SLC22A23: variants seen among roughly 807,000 people sequenced by gnomAD.
SLC22A23 encodes solute carrier family 22 member 23, also known as ion transporter protein.
Under a neutral mutation model 61.0 loss-of-function variants are expected in SLC22A23, and 26 were observed. The ratio of observed to expected loss-of-function variants is 0.43; its 90% CI spans 0.31 to 0.59. The LOEUF (loss-of-function observed/expected upper bound fraction) is 0.59, where lower values mean the gene tolerates loss of function less well. Among genes scored for constraint, SLC22A23 ranks in the 20% least tolerant of loss-of-function variants. The pLI is 0.11. For synonymous variants in SLC22A23, 430 were observed against 413.9 expected (o/e 1.04, Z -0.47); for missense variants, 796 against 934.7 (o/e 0.85, Z 1.94).
intron 3 of SLC22A23, among the ~76,000 whole-genome samples, chr6:3,388,928 G>C (rs746901723): frequency 2.0e-5 from 3 of 152,088 alleles, no homozygotes; most frequent in Non-Finnish European, 2.9e-5. Context: ...GGAATGGGGA[G>C]TTCGTATTTT....
chr6:3,449,760 G>A (rs1772079960), intron 1 of SLC22A23, among the ~76,000 whole-genome samples: 3 of 152,204 alleles, frequency 2.0e-5, no homozygotes, highest in Admixed American at 2.0e-4. Context: ...CACTCTGACA[G>A]TATTAACATA....
At chr6:3,401,939 CCT>C (rs1349421651) in intron 3 of SLC22A23, among the ~76,000 whole-genome samples, 3 of 152,210 alleles carry the variant, frequency 2.0e-5, no homozygotes, top group Admixed American at 6.5e-5. Context: ...ATCATCTTCC[CCT>C]GTCAGACTCA....
At chr6:3,290,518 A>C (rs1477896096) in intron 5 of SLC22A23, 2 of 153,698 alleles carry the variant, frequency 1.3e-5, no homozygotes, top group Non-Finnish European at 2.9e-5. Flanking sequence ...TTTAGTTAAC[A>C]GAAGTCCTTG....
intron 8 of SLC22A23, among the ~76,000 whole-genome samples, chr6:3,284,681 A>C (rs1256287761): frequency 1.3e-5 from 2 of 152,204 alleles, no homozygotes; most frequent in Non-Finnish European, 2.9e-5. Context: ...GCAAGCTTAC[A>C]TGAGTCAAAG....
chr6:3,337,980 C>T (rs1763951496), intron 3 of SLC22A23, among the ~76,000 whole-genome samples: 3 of 152,208 alleles, frequency 2.0e-5, no homozygotes. Flanking sequence ...GTTGTCACCC[C>T]CAGACTCCCT....
At chr6:3,397,963 C>T (rs1389566528) in intron 3 of SLC22A23, among the ~76,000 whole-genome samples, 1 of 152,248 alleles carries the variant, frequency 6.6e-6, no homozygotes, top group Non-Finnish European at 1.5e-5. Context: ...GCCCTGGGGC[C>T]TCCCAGCAAA....
rs781394864 is a variant in SLC22A23, at chr6:3,273,262, C to T, written c.1854G>A (p.Leu618=). The T allele has an allele frequency of 3.1e-6, 5 of 1,613,264 alleles. No homozygotes were observed. The highest frequency in any genetic ancestry group is 4.2e-6 in the Non-Finnish European group (5 of 1,179,362). Residue 618 remains leucine (L), a synonymous_variant, in exon 10 of 10, where the codon CTG becomes CTA. Transcript: ENST00000406686. ...GCAGGTTCTGGTCCCTGCTCTCGGG[C>T]AGCAGGAGGATGCAGATGATGCAGA... The part of the protein sequence containing the change: ...TLICIICILL[L]PESRDQNLPE...
At position 3,317,221 on chromosome 6, in the gene SLC22A23, C is replaced by T. The variant is rs930000381; in HGVS notation, c.1082+6613G>A. Among the ~76,000 whole-genome samples the T allele has an allele frequency of 2.0e-5, 3 of 152,186 alleles. No homozygotes were observed. The highest frequency in any genetic ancestry group is 4.8e-5 in the African/African-American group (2 of 41,444). ...GCTGCGGTTTTCTAGGATGTTCTAA[C>T]GTAACGTAGACCTGGACCTCCAAAC... On this transcript the variant is annotated intron_variant, in intron 4 of 9. Coordinates refer to ENST00000406686, the MANE Select transcript of SLC22A23 (RefSeq NM_015482.2). This position sits in a 1 kb window ranked among gnomAD's most constrained non-coding sequence, Gnocchi z 4.4.
At chr6:3,362,098 T>A (rs537626523) in intron 3 of SLC22A23, among the ~76,000 whole-genome samples, 1 of 151,710 alleles carries the variant, frequency 6.6e-6, no homozygotes, top group Middle Eastern at 3.4e-3. Context: ...ATTTTTTTTT[T>A]AAGCAAACTT....
intron 3 of SLC22A23, among the ~76,000 whole-genome samples, chr6:3,354,381 T>G (rs1764948992): frequency 6.6e-6 from 1 of 152,192 alleles, no homozygotes; most frequent in Non-Finnish European, 1.5e-5. Flanking sequence ...TTACATGAGG[T>G]GGGTTGGGTA....
chr6:3,382,815 T>C (rs897134931), intron 3 of SLC22A23, among the ~76,000 whole-genome samples: 3 of 152,194 alleles, frequency 2.0e-5, no homozygotes, highest in Non-Finnish European at 2.9e-5. Context: ...TAGTCTAGTA[T>C]TATAGCAAGG....
At chr6:3,323,090 C>T (rs917652490) in intron 4 of SLC22A23, among the ~76,000 whole-genome samples, 3 of 152,260 alleles carry the variant, frequency 2.0e-5, no homozygotes, top group Non-Finnish European at 4.4e-5. Context: ...GGTCAAACCC[C>T]CTTTACCAGT....
chr6:3,292,815 G>A (rs557407289), intron 5 of SLC22A23, among the ~76,000 whole-genome samples: 2 of 152,360 alleles, frequency 1.3e-5, no homozygotes, highest in South Asian at 2.1e-4. Context: ...GCTGCCTTGA[G>A]GGCCGGATGG....
intron 3 of SLC22A23, among the ~76,000 whole-genome samples, chr6:3,355,698 C>G (rs1446384614): frequency 6.6e-6 from 1 of 151,896 alleles, no homozygotes; most frequent in Non-Finnish European, 1.5e-5. Flanking sequence ...CTGTGCCTTC[C>G]CAAATTTACT....
Position 3,360,625 on chromosome 6 carries a change from T to A in SLC22A23, c.914-36623A>T, listed in dbSNP as rs919191605. 6.6e-6 allele frequency among the ~76,000 whole-genome samples: 1 copy of A among 152,238 alleles called. No individual in the cohort carries two copies. Among genetic ancestry groups the A allele is most frequent in the Non-Finnish European group, 1.5e-5 (1 of 68,046 alleles). ...GTCTTAGTCCACACATCTCTGTATT[T>A]CCGGTCACTTATTGCTATGCTGACT... On this transcript the variant is annotated intron_variant, in intron 3 of 9. Transcript: ENST00000406686. This position sits in a 1 kb window ranked among gnomAD's most constrained non-coding sequence, Gnocchi z 4.6.
At chr6:3,448,492 TTTTTG>T (rs1265563366) in intron 1 of SLC22A23, among the ~76,000 whole-genome samples, 1 of 123,206 alleles carries the variant, frequency 8.1e-6, no homozygotes, top group African/African-American at 3.9e-5. Flanking sequence ...GTTTTTTTGT[TTTTTG>T]TTTTTTGTTT....
Position 3,414,852 on chromosome 6 carries a change from T to C in SLC22A23, c.758+900A>G, listed in dbSNP as rs761184163. On this transcript the variant is annotated intron_variant, in intron 2 of 9. Coordinates refer to ENST00000406686, the MANE Select transcript of SLC22A23 (RefSeq NM_015482.2). The surrounding 1 kb of genome is among the most constrained non-coding windows in gnomAD (Gnocchi z 5.1). The stretch of plus-strand genomic sequence containing the variant: ...TGTCAACATTGTGCAACTGCCTCCC[T>C]GCTTAGACACCTCACCGCTGCTGCC... 2.6e-5 allele frequency among the ~76,000 whole-genome samples: 4 copies of C among 152,154 alleles called. No individual in the cohort carries two copies. The highest frequency in any genetic ancestry group is 1.9e-4 in the East Asian group (1 of 5,162).
intron 1 of SLC22A23, among the ~76,000 whole-genome samples, chr6:3,449,662 G>A (rs1241046832): frequency 1.3e-5 from 2 of 152,308 alleles, no homozygotes; most frequent in East Asian, 3.9e-4. Flanking sequence ...GTAAAGATTT[G>A]ATAATCCCCT....
chr6:3,287,148 T>C (rs2127322439), intron 6 of SLC22A23, 57 bp from the exon 7 acceptor site: 1 of 1,532,166 alleles, frequency 6.5e-7, no homozygotes, highest in Non-Finnish European at 9.0e-7. Context: ...GGGGCTGCGC[T>C]GCCTCCTGGG....
Sources: allele counts gnomAD v4.1 joint callset (sites outside exome capture counted in the v4.1 genomes callset), GRCh38; gene constraint gnomAD v4.1.1; non-coding constraint Gnocchi (gnomAD v3.1); transcripts MANE v1.5; gene names NCBI Gene and HGNC (gene_info 2026-07-23, HGNC 2026-07-21).